TMCO5A: variants seen among roughly 807,000 people sequenced by gnomAD.
TMCO5A encodes transmembrane and coiled-coil domain-containing protein 5A.
Under a neutral mutation model 42.3 loss-of-function variants are expected in TMCO5A, and 34 were observed. That is an observed-to-expected ratio of 0.80 (90% CI 0.61 to 1.07). TMCO5A has a LOEUF of 1.07. Ranked by LOEUF, TMCO5A falls within the 50% of genes least tolerant of loss-of-function variation. TMCO5A has a pLI of 0.00. For synonymous variants in TMCO5A, 131 were observed against 115.6 expected, an observed-to-expected ratio of 1.13 and a Z score of -0.86; for missense variants, 357 against 327.9, an observed-to-expected ratio of 1.09 and a Z score of -0.69.
intron 9 of TMCO5A, 89 bp downstream of exon 9, chr15:37,942,344 T>C (rs1028157482): frequency 1.5e-6 from 2 of 1,317,124 alleles, no homozygotes; most frequent in Admixed American, 3.8e-5. Context: ...CAATTTCTAT[T>C]TGGAATTGAA....
the TMCO5A span, among the ~76,000 whole-genome samples, chr15:37,980,510 C>G: frequency 6.6e-6 from 1 of 152,066 alleles, no homozygotes; most frequent in Admixed American, 6.5e-5. Context: ...GTTGCTTCCC[C>G]GATGAATCCC....
In TMCO5A at chr15:37,938,218, G is replaced by C. The variant is rs748650964; in HGVS notation, c.376G>C (p.Glu126Gln). 2 of 1,570,372 alleles carry C rather than the reference G, an allele frequency of 1.3e-6. No individual in the cohort carries two copies. Among genetic ancestry groups the C allele is most frequent in the South Asian group, 2.3e-5 (2 of 85,830 alleles). Reference sequence around the variant, plus strand: ...ACAAAGCAGTCCAGATGGAGCCCTAGAAGAGACAAAGGTAAATGAAAAAAA... The same window carrying C: ...ACAAAGCAGTCCAGATGGAGCCCTACAAGAGACAAAGGTAAATGAAAAAAA... ...CEQSSPDGAL[E>Q]ETKVKLQQLE... Residue 126 changes from glutamate (E) to glutamine (Q), a missense_variant, in exon 6 of 12, where the codon GAA (glutamate) becomes CAA (glutamine). Glu to Gln is a conservative substitution (Grantham distance 29). Transcript: ENST00000319669.
At chr15:37,952,856 G>A (rs2140797967), downstream of TMCO5A, among the ~76,000 whole-genome samples, 3 of 152,310 alleles carry the variant, frequency 2.0e-5, no homozygotes, top group Middle Eastern at 6.8e-3. Context: ...CCCAGGCCAG[G>A]CAGCATTCAC....
At chr15:37,998,542 G>A in the TMCO5A span, among the ~76,000 whole-genome samples, 1 of 151,980 alleles carries the variant, frequency 6.6e-6, no homozygotes, top group African/African-American at 2.4e-5. Flanking sequence ...GTCTCTATTT[G>A]ATTCCATTGC....
At chr15:37,981,264 T>C in the TMCO5A span, among the ~76,000 whole-genome samples, 9 of 151,400 alleles carry the variant, frequency 5.9e-5, no homozygotes, top group Non-Finnish European at 1.0e-4. Flanking sequence ...AGAATAGTTT[T>C]GCCATGTAAC....
At chr15:38,018,102 C>T in the TMCO5A span, among the ~76,000 whole-genome samples, 1 of 152,122 alleles carries the variant, frequency 6.6e-6, no homozygotes, top group East Asian at 1.9e-4. Flanking sequence ...TTTTTTATAG[C>T]AGTGCGAAAA....
intron 2 of TMCO5A, among the ~76,000 whole-genome samples, chr15:37,935,815 G>A (rs1366176427): frequency 6.6e-6 from 1 of 152,124 alleles, no homozygotes; most frequent in Non-Finnish European, 1.5e-5. Flanking sequence ...TGAGGGAGAG[G>A]TGTTGAGGTG....
At chr15:37,936,214 A>T (rs1889504133) in intron 2 of TMCO5A, 100 bp from the exon 3 acceptor site, 1 of 1,341,836 alleles carries the variant, frequency 7.5e-7, no homozygotes, top group African/African-American at 1.5e-5. Flanking sequence ...AGAGAGAGTA[A>T]GGTTAATAAA....
At chr15:37,937,895 G>A (rs920219310) in intron 5 of TMCO5A, among the ~76,000 whole-genome samples, 4 of 152,050 alleles carry the variant, frequency 2.6e-5, no homozygotes, top group Admixed American at 2.0e-4. Context: ...TACTGTAGGG[G>A]GCTGTATCCT....
At chr15:37,998,698 T>C in the TMCO5A span, among the ~76,000 whole-genome samples, 1 of 152,040 alleles carries the variant, frequency 6.6e-6, no homozygotes, top group Non-Finnish European at 1.5e-5. Context: ...TGTGGTTCCA[T>C]ATAAATTTTA....
the TMCO5A span, among the ~76,000 whole-genome samples, chr15:38,004,437 C>T: frequency 1.3e-5 from 2 of 152,150 alleles, no homozygotes; most frequent in East Asian, 3.9e-4. Context: ...GAGCCAAGCA[C>T]CGCACTGAGA....
At chr15:37,937,762 C>T (rs1889572112) in intron 5 of TMCO5A, among the ~76,000 whole-genome samples, 1 of 152,158 alleles carries the variant, frequency 6.6e-6, no homozygotes, top group Non-Finnish European at 1.5e-5. Context: ...AAATAATTAA[C>T]TTAATCCCCA....
intron 11 of TMCO5A, among the ~76,000 whole-genome samples, chr15:37,949,268 T>G (rs1292941869): frequency 6.6e-6 from 1 of 152,058 alleles, no homozygotes; most frequent in Non-Finnish European, 1.5e-5. Flanking sequence ...AAAGTAAGAA[T>G]TGCCTCCAAA....
At chr15:38,026,867 A>G in the TMCO5A span, among the ~76,000 whole-genome samples, 2 of 152,232 alleles carry the variant, frequency 1.3e-5, no homozygotes, top group Non-Finnish European at 2.9e-5. Context: ...GGAAGCCCCA[A>G]GCCTTGACAG....
chr15:38,017,596 C>T, the TMCO5A span, among the ~76,000 whole-genome samples: 9 of 152,280 alleles, frequency 5.9e-5, no homozygotes, highest in Non-Finnish European at 1.2e-4. Context: ...TAAGAAGTTC[C>T]TGCTTCCTCA....
the TMCO5A span, among the ~76,000 whole-genome samples, chr15:38,032,043 A>C: frequency 0.03 from 4,575 of 151,044 alleles, 253 homozygotes; most frequent in African/African-American, 0.11. Flanking sequence ...GCAACCTCTG[A>C]TTCCCAGGTT....
the TMCO5A span, among the ~76,000 whole-genome samples, chr15:38,008,745 G>T: frequency 2.0e-5 from 3 of 152,176 alleles, no homozygotes; most frequent in African/African-American, 7.2e-5. Context: ...CATCTGAAGT[G>T]AGGCATGTCA....
At chr15:37,975,254 C>T in the TMCO5A span, among the ~76,000 whole-genome samples, 3 of 152,072 alleles carry the variant, frequency 2.0e-5, no homozygotes, top group Non-Finnish European at 2.9e-5. Flanking sequence ...GTATGTTAGG[C>T]CCATTTTGTC....
chr15:37,986,839 T>C, the TMCO5A span, among the ~76,000 whole-genome samples: 1 of 152,226 alleles, frequency 6.6e-6, no homozygotes, highest in East Asian at 1.9e-4. Context: ...TTCCACATTT[T>C]AGCTATGGTG....
Sources: allele counts gnomAD v4.1 joint callset (sites outside exome capture counted in the v4.1 genomes callset), GRCh38; gene constraint gnomAD v4.1.1; transcripts MANE v1.5; gene names NCBI Gene and HGNC (gene_info 2026-07-23, HGNC 2026-07-21).